The following MDGA1 variants were observed in gnomAD, a reference collection of about 807,000 sequenced individuals.
MDGA1 encodes the protein MAM domain-containing glycosylphosphatidylinositol anchor protein 1.
A neutral mutation model predicts 101.5 loss-of-function variants in MDGA1; 54 were observed. The observed-to-expected ratio is 0.53, with a 90% CI of 0.43 to 0.67. MDGA1 has a LOEUF of 0.67. Ranked by LOEUF, MDGA1 falls within the 30% of genes least tolerant of loss-of-function variation. The pLI is 0.00. For synonymous variants in MDGA1, 533 were observed against 558.3 expected (o/e 0.95, Z 0.64); for missense variants, 1,083 against 1,323.8 (o/e 0.82, Z 2.82).
At position 37,638,439 on chromosome 6, in the gene MDGA1, C is replaced by A; in HGVS notation, c.2667+98G>T. ...TTCCCCCTAACCTGACTCTTTCCAT[C>A]CTTAGCCCCCAGGAAGAAGGACAAG... On this transcript the variant is annotated intron_variant, in intron 15 of 16. Transcript: ENST00000434837. This position sits in a 1 kb window ranked among gnomAD's most constrained non-coding sequence, Gnocchi z 4.8. The A allele has an allele frequency of 6.3e-7, 1 of 1,575,146 alleles. No individual in the cohort carries two copies.
chr6:37,646,136 G>T, intron 11 of MDGA1, 62 bp downstream of exon 11: 1 of 1,550,818 alleles, frequency 6.4e-7, no homozygotes, highest in South Asian at 1.2e-5. Context: ...CATGAGGATG[G>T]TGAAAGGGGT....
Position 37,652,200 on chromosome 6 carries a change from C to T in MDGA1, c.1123G>A (p.Gly375Ser), listed in dbSNP as rs1346662244. The T allele has an allele frequency of 3.7e-6, 6 of 1,613,938 alleles. No individual in the cohort carries two copies. Among genetic ancestry groups the T allele is most frequent in the Non-Finnish European group, 4.2e-6 (5 of 1,179,916 alleles). ...CGCTTGGACATGCGTGCCGGCTTGC[C>T]ATTCTTGAACCACTGGTAGGTCACC... is the stretch of plus-strand genomic sequence containing the variant. ...EKVTYQWFKN[G>S]KPARMSKRLL... The change falls in exon 7 of 17, where the codon GGC becomes AGC. Residue 375 changes from glycine to serine, a missense_variant. By Grantham distance (56) the Gly-to-Ser change is moderately conservative (BLOSUM62 0). This residue lies in a region of MDGA1 where 116 missense variants were observed against 196.6 expected (regional missense o/e 0.59). Coordinates refer to ENST00000434837, the MANE Select transcript of MDGA1 (RefSeq NM_153487.4). The surrounding 1 kb of genome is among the most constrained non-coding windows in gnomAD (Gnocchi z 4.3).
intron 8 of MDGA1, among the ~76,000 whole-genome samples, 171 bp from the exon 9 acceptor site, chr6:37,649,437 C>T (rs1347626662): frequency 6.6e-6 from 1 of 152,252 alleles, no homozygotes; most frequent in Non-Finnish European, 1.5e-5. Flanking sequence ...GATCTTACCT[C>T]CCAACCTGCA....
rs544276521 is a variant in MDGA1 at position 37,684,031 on chromosome 6, C to T, written c.67+12714G>A. Among the ~76,000 whole-genome samples the T allele has an allele frequency of 1.8e-4, 27 of 152,354 alleles. No individual in the cohort carries two copies. The East Asian group carries it at 2.3e-3, about 13-fold the overall frequency. On this transcript the variant is annotated intron_variant, in intron 1 of 16. Transcript: ENST00000434837. ...CCCACCATCATCCTCTTCCTCCACC[C>T]ACCACTCCCCTGGAAACTTCCTTGC...
intron 7 of MDGA1, among the ~76,000 whole-genome samples, chr6:37,650,857 A>C (rs979594589): frequency 2.6e-5 from 4 of 152,248 alleles, no homozygotes; most frequent in African/African-American, 7.2e-5. Context: ...AGTTTTCAGC[A>C]GGGCTTATAG....
In MDGA1 at chr6:37,633,318, C is replaced by G. The variant is rs1381359288; in HGVS notation, c.*4050G>C. 1 of 152,212 alleles carries G rather than the reference C, an allele frequency of 6.6e-6. No homozygotes were observed. The highest frequency in any genetic ancestry group is 1.5e-5 in the Non-Finnish European group (1 of 68,130). The allele number at this position is 152,212 out of a possible 1,614,324, so 9.4% of individuals were successfully genotyped here. A position where few individuals can be genotyped will look rare whatever the true frequency, so the allele number is the denominator to read the frequency against. ...GGAAGCATGGAGGACTCCGCTGAAC[C>G]CTGAACCCAACCTCAGCCAGTGGCT... On this transcript the variant is annotated 3_prime_UTR_variant, in exon 17 of 17. Transcript: ENST00000434837.
In MDGA1 at chr6:37,638,364, G is replaced by C. The variant is rs1763983625; in HGVS notation, c.2668-51C>G. ...GCAAGGGTTGAGGAGGTTCTGCTGG[G>C]TACCAGAGTGCTCCCTCGACCCCAC... On this transcript the variant is annotated intron_variant, in intron 15 of 16. Transcript: ENST00000434837. The surrounding 1 kb of genome is among the most constrained non-coding windows in gnomAD (Gnocchi z 4.8). The C allele has an allele frequency of 2.0e-6, 3 of 1,527,286 alleles. No homozygotes were observed. Among genetic ancestry groups the C allele is most frequent in the African/African-American group, 2.7e-5 (2 of 73,346 alleles). The allele number at this position is 1,527,286 out of a possible 1,614,324, so 94.6% of individuals were successfully genotyped here.
At chr6:37,665,472 C>T (rs954170637) in intron 1 of MDGA1, among the ~76,000 whole-genome samples, 33 of 152,286 alleles carry the variant, frequency 2.2e-4, no homozygotes, top group South Asian at 2.1e-4. Context: ...AGTCACACCC[C>T]CTGCACTTAA....
intron 14 of MDGA1, among the ~76,000 whole-genome samples, chr6:37,640,907 T>C (rs1214185337): frequency 6.6e-6 from 1 of 152,120 alleles, no homozygotes; most frequent in African/African-American, 2.4e-5. Flanking sequence ...CACTGGGGCT[T>C]GGGCCCTGTG....
chr6:37,638,022 C>T lies in MDGA1; in HGVS notation c.2776+183G>A. On this transcript the variant is annotated intron_variant, in intron 16 of 16. Coordinates refer to ENST00000434837, the MANE Select transcript of MDGA1 (RefSeq NM_153487.4). The surrounding 1 kb of genome is among the most constrained non-coding windows in gnomAD (Gnocchi z 4.8). ...TGGGGGCCAGGCTTCTCATTGTTTACACAAGTACACAGCCTGAGTGAGTGT... is the reference window on the plus strand; with the variant it reads ...TGGGGGCCAGGCTTCTCATTGTTTATACAAGTACACAGCCTGAGTGAGTGT... 1.6e-6 allele frequency: 1 copy of T among 626,598 alleles called. No individual in the cohort carries two copies. The highest frequency in any genetic ancestry group is 2.8e-5 in the East Asian group (1 of 36,152). The allele number at this position is 626,598 out of a possible 1,614,324, so 38.8% of individuals were successfully genotyped here.
At chr6:37,683,387 G>A (rs545597202) in intron 1 of MDGA1, among the ~76,000 whole-genome samples, 1 of 152,340 alleles carries the variant, frequency 6.6e-6, no homozygotes, top group South Asian at 2.1e-4. Context: ...CACACAGCAA[G>A]CTGGCTCTGA....
Position 37,644,408 on chromosome 6 carries a change from G to A in MDGA1, c.2401+89C>T, listed in dbSNP as rs571180185. ...GCTGCGTCTCCCTCAGACTGGAGCC[G>A]TCTCCCTTCATCCCCAGTCTGGGGT... On this transcript the variant is annotated intron_variant, in intron 13 of 16. Coordinates refer to ENST00000434837, the MANE Select transcript of MDGA1 (RefSeq NM_153487.4). 50 of 1,320,366 alleles carry A rather than the reference G, an allele frequency of 3.8e-5. No individual in the cohort carries two copies. In the Admixed American group the frequency reaches 9.6e-4, roughly 25 times the overall value. The allele number at this position is 1,320,366 out of a possible 1,614,324, so 81.8% of individuals were successfully genotyped here. A position where few individuals can be genotyped will look rare whatever the true frequency, so the allele number is the denominator to read the frequency against.
Position 37,652,092 on chromosome 6 carries a change from C to A in MDGA1, c.1231G>T (p.Gly411Cys), listed in dbSNP as rs1053256083. Residue 411 changes from glycine (G) to cysteine (C), a missense_variant, in exon 7 of 17, where the codon GGC becomes TGC. Transcript: ENST00000434837. This position sits in a 1 kb window ranked among gnomAD's most constrained non-coding sequence, Gnocchi z 4.3. ...ELIDLHFSDY[G>C]TYLCMASFPG... ...AAAGAAGCCATGCACAGGTAGGTGCCATAGTCACTGAAGTGCAGGTCAATG... is the reference window on the plus strand; with the variant it reads ...AAAGAAGCCATGCACAGGTAGGTGCAATAGTCACTGAAGTGCAGGTCAATG... 6.2e-7 allele frequency: 1 copy of A among 1,613,642 alleles called. No homozygotes were observed. Among genetic ancestry groups the A allele is most frequent in the Admixed American group, 1.7e-5 (1 of 60,020 alleles).
intron 12 of MDGA1, 44 bp downstream of exon 12, chr6:37,645,889 T>C (rs1761181467): frequency 1.2e-6 from 2 of 1,609,348 alleles, no homozygotes; most frequent in Non-Finnish European, 8.5e-7. Context: ...AGCCTTTGTG[T>C]CCCTAAAGGG....
intron 1 of MDGA1, among the ~76,000 whole-genome samples, chr6:37,680,125 C>T (rs373928497): frequency 1.6e-4 from 24 of 152,332 alleles, no homozygotes; most frequent in East Asian, 1.4e-3. Flanking sequence ...TTACTCCCCT[C>T]CCGGGGGCGG....
Position 37,632,687 on chromosome 6 carries a change from C to T in MDGA1, c.*4681G>A, listed in dbSNP as rs1418858348. The T allele has an allele frequency of 6.6e-6, 1 of 152,570 alleles. No individual in the cohort carries two copies. The highest frequency in any genetic ancestry group is 1.5e-5 in the Non-Finnish European group (1 of 68,038). The allele number at this position is 152,570 out of a possible 1,614,324, so 9.5% of individuals were successfully genotyped here. A position where few individuals can be genotyped will look rare whatever the true frequency, so the allele number is the denominator to read the frequency against. ...GTGTGACTAAAAAAACAACCCCAAT[C>T]ATTTCACCCATTAATAAGGGGGTCT... On this transcript the variant is annotated 3_prime_UTR_variant, in exon 17 of 17. Coordinates refer to ENST00000434837, the MANE Select transcript of MDGA1 (RefSeq NM_153487.4).
chr6:37,641,391 T>C (rs1764076280), intron 14 of MDGA1, among the ~76,000 whole-genome samples: 1 of 152,076 alleles, frequency 6.6e-6, no homozygotes, highest in South Asian at 2.1e-4. Flanking sequence ...GGCATTGGTG[T>C]TGTCTGGGCA....
Position 37,635,547 on chromosome 6 carries a change from C to T in MDGA1, c.*1821G>A. On this transcript the variant is annotated 3_prime_UTR_variant, in exon 17 of 17. Transcript: ENST00000434837. ...GCCCCGCTGCATCCTGGCCCGGCCA[C>T]CCACCAGCTGTTGGTGATAATGATC... The T allele has an allele frequency of 5.0e-6, 2 of 398,716 alleles. No individual in the cohort carries two copies. The highest frequency in any genetic ancestry group is 4.4e-6 in the Non-Finnish European group (1 of 226,104). 24.7% of individuals were successfully genotyped at this position (398,716 alleles called of 1,614,324 possible). A position where few individuals can be genotyped will look rare whatever the true frequency, so the allele number is the denominator to read the frequency against.
chr6:37,638,315 TG>T lies in MDGA1; in HGVS notation c.2668-3del, dbSNP rs545478398. The T allele has an allele frequency of 1.2e-4, 190 of 1,600,844 alleles. No homozygotes were observed. Among genetic ancestry groups the T allele is most frequent in the African/African-American group, 6.7e-4 (50 of 74,804 alleles). On this transcript the variant is annotated splice_polypyrimidine_tract_variant and splice_region_variant and intron_variant, in intron 15 of 16. Transcript: ENST00000434837. This position sits in a 1 kb window ranked among gnomAD's most constrained non-coding sequence, Gnocchi z 4.8. Reference sequence around the variant, plus strand: ...GCCTCGAACCCCCTCAAAAATAATCTGGGGTGGGGTCAGAAAGCAAGGAGCA... The same window carrying T: ...GCCTCGAACCCCCTCAAAAATAATCTGGGTGGGGTCAGAAAGCAAGGAGCA...
Sources: gnomAD v4.1 joint callset for allele counts (sites outside exome capture counted in the v4.1 genomes callset) on GRCh38, gnomAD v4.1.1 for gene constraint, gnomAD v4.1.1 regional missense constraint, Gnocchi (gnomAD v3.1) non-coding constraint, MANE v1.5 for transcripts, NCBI Gene and HGNC (gene_info 2026-07-23, HGNC 2026-07-21) for gene names.